The following PCDHGB2 variants were observed in gnomAD, a reference collection of about 807,000 sequenced individuals.
PCDHGB2 encodes the protein protocadherin gamma-B2.
PCDHGB2 carries 55 observed loss-of-function variants against 59.3 expected under a neutral mutation model. The ratio of observed to expected loss-of-function variants is 0.93; its 90% CI spans 0.75 to 1.16. The LOEUF (loss-of-function observed/expected upper bound fraction) is 1.16. PCDHGB2 is among the 50% of genes most tolerant of loss of function. PCDHGB2 has a pLI of 0.00. For missense variants in PCDHGB2, 1,228 were observed against 1,198.5 expected (o/e 1.02, Z -0.36); for synonymous variants, 516 against 512.0 (o/e 1.01, Z -0.11).
intron 1 of PCDHGB2, chr5:141,372,255 C>CTGCGCACGGGTGAGG: frequency 1.2e-6 from 2 of 1,613,136 alleles, no homozygotes; most frequent in East Asian, 2.2e-5. Flanking sequence ...CAGCCTGGGC[C>CTGCGCACGGGTGAGG]TGCGCACGGG....
intron 1 of PCDHGB2, chr5:141,365,695 C>T: frequency 6.2e-7 from 1 of 1,613,656 alleles, no homozygotes; most frequent in Non-Finnish European, 8.5e-7. Context: ...TCCCTCAAGC[C>T]TCCTACTCCA....
intron 1 of PCDHGB2, chr5:141,413,929 C>T (rs2095693828): frequency 6.2e-7 from 1 of 1,613,342 alleles, no homozygotes; most frequent in South Asian, 1.1e-5. Context: ...GCCAGAATAC[C>T]GAGTGAGTGT....
At chr5:141,394,596 G>A (rs1485546922) in intron 1 of PCDHGB2, 2 of 1,613,702 alleles carry the variant, frequency 1.2e-6, no homozygotes, top group Non-Finnish European at 1.7e-6. Flanking sequence ...GGTGGCGGTG[G>A]ACAGAGACTC....
chr5:141,400,044 G>C lies in PCDHGB2; in HGVS notation c.2421+37488G>C, dbSNP rs745775469. 4 of 1,613,556 alleles carry C rather than the reference G, an allele frequency of 2.5e-6. No homozygotes were observed. In the South Asian group the frequency reaches 4.4e-5, roughly 18 times the overall value. On this transcript the variant is annotated intron_variant, in intron 1 of 3. Coordinates refer to ENST00000522605, the MANE Select transcript of PCDHGB2 (RefSeq NM_018923.3). ...GGGACGCGGCCCGCCAGCGCCTGCT[G>C]GTTGCTGTGCGTGATGGTGGACAGC...
chr5:141,495,005 C>T (rs555909709), intron 2 of PCDHGB2, 140 bp downstream of exon 2: 1,141 of 1,522,692 alleles, frequency 7.5e-4, no homozygotes, highest in Non-Finnish European at 8.4e-4. Context: ...TCTTGGTGTG[C>T]GGGGGGCTGG....
At chr5:141,507,537 C>CA (rs140454890) in intron 3 of PCDHGB2, among the ~76,000 whole-genome samples, 3,617 of 152,286 alleles carry the variant, frequency 0.024, 53 homozygotes, top group East Asian at 0.043. Context: ...AGGCCAGAGA[C>CA]TGAGTATGAA....
Position 141,371,530 on chromosome 5 carries a change from A to G in PCDHGB2, c.2421+8974A>G, listed in dbSNP as rs769779786. ...ACACATGATCTAGATTCTGGATTTAATGGAGAAATCCTATGCCAACTAAAA... is the reference window on the plus strand; with the variant it reads ...ACACATGATCTAGATTCTGGATTTAGTGGAGAAATCCTATGCCAACTAAAA... On this transcript the variant is annotated intron_variant, in intron 1 of 3. Transcript: ENST00000522605. The G allele has an allele frequency of 1.9e-6, 3 of 1,613,804 alleles. No individual in the cohort carries two copies. The Middle Eastern group carries it at 4.9e-4, about 266-fold the overall frequency.
chr5:141,390,679 C>T (rs1180129734), intron 1 of PCDHGB2: 1 of 185,884 alleles, frequency 5.4e-6, no homozygotes, highest in Non-Finnish European at 1.1e-5. Flanking sequence ...AATAATAAAG[C>T]CAAAGAATTT....
intron 1 of PCDHGB2, among the ~76,000 whole-genome samples, chr5:141,363,897 C>T (rs925245395): frequency 6.6e-6 from 1 of 152,090 alleles, no homozygotes; most frequent in Admixed American, 6.5e-5. Flanking sequence ...CCCCCGATGA[C>T]GCATTAAATA....
Position 141,476,091 on chromosome 5 carries a change from G to T in PCDHGB2, c.2422-18716G>T, listed in dbSNP as rs1470774975. The T allele has an allele frequency of 1.3e-6, 2 of 1,563,074 alleles. No homozygotes were observed. Among genetic ancestry groups the T allele is most frequent in the Non-Finnish European group, 1.7e-6 (2 of 1,159,286 alleles). On this transcript the variant is annotated intron_variant, in intron 1 of 3. Coordinates refer to ENST00000522605, the MANE Select transcript of PCDHGB2 (RefSeq NM_018923.3). This position sits in a 1 kb window ranked among gnomAD's most constrained non-coding sequence, Gnocchi z 7.6. ...AAATCTCAGGGACGATCTGGACCCC[G>T]CTGAGAGGAACTGCTTTTGAGTGAG...
intron 1 of PCDHGB2, chr5:141,383,629 C>T (rs769030453): frequency 6.2e-7 from 1 of 1,613,960 alleles, no homozygotes; most frequent in South Asian, 1.1e-5. Context: ...TGTCTTCTCT[C>T]TGCCTCAGTA....
rs1318842373 is a variant in PCDHGB2 at position 141,361,452 on chromosome 5, C to T, written c.1317C>T (p.Thr439=). 2.3e-5 allele frequency: 37 copies of T among 1,613,918 alleles called. 1 individual carries two copies. The highest frequency in any genetic ancestry group is 2.9e-5 in the Non-Finnish European group (34 of 1,179,910). The change falls in exon 1 of 4, where the codon ACC becomes ACT. Residue 439 remains threonine, a synonymous_variant. Coordinates refer to ENST00000522605, the MANE Select transcript of PCDHGB2 (RefSeq NM_018923.3). ...KPPLSSSIIV[T]LHISDVNDNA... The stretch of plus-strand genomic sequence containing the variant: ...CCCTCTCCTCCAGCATAATTGTCAC[C>T]CTGCACATCTCCGACGTCAACGATA...
At chr5:141,371,281 G>A in intron 1 of PCDHGB2, 1 of 1,614,034 alleles carries the variant, frequency 6.2e-7, no homozygotes, top group Non-Finnish European at 8.5e-7. Context: ...AAGCTGGACA[G>A]TAAAACGGGG....
chr5:141,491,823 C>T lies in PCDHGB2; in HGVS notation c.2422-2984C>T, dbSNP rs1242708273. On this transcript the variant is annotated intron_variant, in intron 1 of 3. Transcript: ENST00000522605. The surrounding 1 kb of genome is among the most constrained non-coding windows in gnomAD (Gnocchi z 6.9). ...GCCGGCTTGGTCGCTGGCTGCGCTC[C>T]ACCCGATTCTCGGGATCATTGGACC... The T allele has an allele frequency of 2.7e-6, 4 of 1,479,038 alleles. No homozygotes were observed. Among genetic ancestry groups the T allele is most frequent in the Non-Finnish European group, 3.6e-6 (4 of 1,115,300 alleles). 91.6% of individuals were successfully genotyped at this position (1,479,038 alleles called of 1,614,324 possible).
intron 1 of PCDHGB2, chr5:141,404,640 T>C (rs368593595): frequency 1.6e-5 from 26 of 1,614,092 alleles, no homozygotes; most frequent in East Asian, 2.2e-5. Context: ...CCAGAAATCC[T>C]GTACCCTGCC....
Position 141,485,856 on chromosome 5 carries a change from T to C in PCDHGB2, c.2422-8951T>C. ...CCGCCGAGATCTGGCACCGCAGAGC[T>C]CCGGGTATCCGTGCTGGACGTAAAC... is the stretch of plus-strand genomic sequence containing the variant. On this transcript the variant is annotated intron_variant, in intron 1 of 3. Coordinates refer to ENST00000522605, the MANE Select transcript of PCDHGB2 (RefSeq NM_018923.3). The surrounding 1 kb of genome is among the most constrained non-coding windows in gnomAD (Gnocchi z 5.7). 1 of 1,614,108 alleles carries C rather than the reference T, an allele frequency of 6.2e-7. No individual in the cohort carries two copies. The highest frequency in any genetic ancestry group is 8.5e-7 in the Non-Finnish European group (1 of 1,180,014).
rs759346998 is a variant in PCDHGB2 at position 141,410,849 on chromosome 5, C to CTTTTTTTTTT, written c.2421+48306_2421+48315dup. ...CAGACTGAAGATATTTTGTCTTTGT[C>CTTTTTTTTTT]TTTTTTTTTTTTTTTTTTTTTTGAG... On this transcript the variant is annotated intron_variant, in intron 1 of 3. Coordinates refer to ENST00000522605, the MANE Select transcript of PCDHGB2 (RefSeq NM_018923.3). 91 of 138,162 alleles carry CTTTTTTTTTT rather than the reference C, an allele frequency of 6.6e-4. 6 individuals are homozygous for CTTTTTTTTTT. The highest frequency in any genetic ancestry group is 2.3e-3 in the African/African-American group (38 of 16,624). The allele number at this position is 138,162 out of a possible 1,614,324, so 8.6% of individuals were successfully genotyped here. A position where few individuals can be genotyped will look rare whatever the true frequency, so the allele number is the denominator to read the frequency against.
At chr5:141,393,203 C>A in intron 1 of PCDHGB2, 1 of 1,613,514 alleles carries the variant, frequency 6.2e-7, no homozygotes, top group South Asian at 1.1e-5. Context: ...ACGATAATAA[C>A]CCAAAATTCC....
chr5:141,497,540 CTT>C (rs754207034), intron 2 of PCDHGB2, among the ~76,000 whole-genome samples: 114 of 134,852 alleles, frequency 8.5e-4, no homozygotes, highest in Middle Eastern at 3.7e-3. Context: ...TGCAACAAAC[CTT>C]TTTTTTTTTT....
Sources: gnomAD v4.1 joint callset for allele counts (sites outside exome capture counted in the v4.1 genomes callset) on GRCh38, gnomAD v4.1.1 for gene constraint, Gnocchi (gnomAD v3.1) non-coding constraint, MANE v1.5 for transcripts, NCBI Gene and HGNC (gene_info 2026-07-23, HGNC 2026-07-21) for gene names.